The following ZDHHC7 variants were observed in gnomAD, a reference collection of about 807,000 sequenced individuals.
The protein encoded by ZDHHC7 is palmitoyltransferase ZDHHC7.
ZDHHC7 carries 12 observed loss-of-function variants against 34.1 expected under a neutral mutation model. The ratio of observed to expected loss-of-function variants is 0.35; its 90% CI spans 0.23 to 0.57. ZDHHC7 has a LOEUF of 0.57. Among genes scored for constraint, ZDHHC7 ranks in the 20% least tolerant of loss-of-function variants. The pLI is 0.84. For missense variants in ZDHHC7, 388 were observed against 402.7 expected, an observed-to-expected ratio of 0.96 and a Z score of 0.31; for synonymous variants, 185 against 155.4, an observed-to-expected ratio of 1.19 and a Z score of -1.42.
chr16:84,988,721 C>T lies in ZDHHC7; in HGVS notation c.315+1583G>A, dbSNP rs767426621. On this transcript the variant is annotated intron_variant, in intron 3 of 7. Coordinates refer to ENST00000313732, the MANE Select transcript of ZDHHC7 (RefSeq NM_017740.3). ...AGAGGAGCAAACTGCTGAGGACTCC[C>T]AGCCAGGCTGACCCTCCCCCATGTG... 4 of 1,536,452 alleles carry T rather than the reference C, an allele frequency of 2.6e-6. No homozygotes were observed. The Admixed American group carries it at 7.9e-5, about 30-fold the overall frequency.
chr16:85,001,150 C>G (rs2072647344), intron 1 of ZDHHC7, among the ~76,000 whole-genome samples: 1 of 152,222 alleles, frequency 6.6e-6, no homozygotes, highest in East Asian at 1.9e-4. Context: ...TGGGAGGCAC[C>G]AGACCTTAGG....
intron 1 of ZDHHC7, among the ~76,000 whole-genome samples, chr16:84,998,608 G>A (rs570758409): frequency 6.6e-6 from 1 of 152,252 alleles, no homozygotes; most frequent in Non-Finnish European, 1.5e-5. Context: ...GGCCCGCTCT[G>A]TGGAGGTCCC....
chr16:84,979,294 G>T lies in ZDHHC7; in HGVS notation c.441-9C>A. On this transcript the variant is annotated splice_polypyrimidine_tract_variant and intron_variant, in intron 4 of 7. Coordinates refer to ENST00000313732, the MANE Select transcript of ZDHHC7 (RefSeq NM_017740.3). ...TACATCTTTTGCAAATACTGAAAAGGAGAGTTTGATTTTTCAGTATTCCAT... is the reference window on the plus strand; with the variant it reads ...TACATCTTTTGCAAATACTGAAAAGTAGAGTTTGATTTTTCAGTATTCCAT... 6.2e-7 allele frequency: 1 copy of T among 1,607,936 alleles called. No individual in the cohort carries two copies. The highest frequency in any genetic ancestry group is 8.5e-7 in the Non-Finnish European group (1 of 1,178,744).
chr16:85,006,582 A>C (rs543770094), intron 1 of ZDHHC7, among the ~76,000 whole-genome samples: 1 of 150,094 alleles, frequency 6.7e-6, no homozygotes, highest in South Asian at 2.1e-4. Flanking sequence ...TCTGTAATTT[A>C]AAAAAAAAGG....
the ZDHHC7 span, among the ~76,000 whole-genome samples, chr16:85,025,114 C>A: frequency 9.2e-5 from 14 of 152,192 alleles, no homozygotes; most frequent in South Asian, 2.5e-3. Flanking sequence ...CCCATCTCTA[C>A]TAAAAATACA....
intron 3 of ZDHHC7, among the ~76,000 whole-genome samples, chr16:84,989,045 G>A (rs1245524202): frequency 1.3e-5 from 2 of 152,222 alleles, no homozygotes; most frequent in Non-Finnish European, 2.9e-5. Context: ...CTGGCTCCTA[G>A]AGGGAGACCT....
intron 1 of ZDHHC7, chr16:85,004,901 A>T (rs7187827): frequency 0.18 from 27,021 of 151,734 alleles, 2,713 homozygotes; most frequent in Admixed American, 0.29. Context: ...GACGGGGGTG[A>T]AGAGAAAAAC....
chr16:84,984,311 G>A (rs775499965), intron 3 of ZDHHC7, among the ~76,000 whole-genome samples: 6 of 152,134 alleles, frequency 3.9e-5, no homozygotes, highest in East Asian at 1.9e-4. Flanking sequence ...ATGAGCCACC[G>A]TGCCTGGCCT....
At chr16:84,999,797 G>A (rs546720520) in intron 1 of ZDHHC7, among the ~76,000 whole-genome samples, 17 of 152,162 alleles carry the variant, frequency 1.1e-4, no homozygotes, top group Admixed American at 2.6e-4. Flanking sequence ...AGGCATATGC[G>A]TTTGTCAAAA....
At chr16:84,976,988 T>C in intron 7 of ZDHHC7, 107 bp downstream of exon 7, 1 of 1,503,442 alleles carries the variant, frequency 6.7e-7, no homozygotes, top group South Asian at 1.3e-5. Context: ...GACCGTCCCA[T>C]TACGTTCCCG....
At chr16:84,986,314 C>T (rs935266814) in intron 3 of ZDHHC7, among the ~76,000 whole-genome samples, 5 of 152,234 alleles carry the variant, frequency 3.3e-5, no homozygotes, top group East Asian at 1.9e-4. Context: ...AGCCTGGCCT[C>T]TTACTGGCAC....
chr16:85,015,162 C>T (rs978914422), upstream of ZDHHC7, among the ~76,000 whole-genome samples: 25 of 151,324 alleles, frequency 1.7e-4, no homozygotes, highest in Non-Finnish European at 7.4e-5. Context: ...TGCAATGTCG[C>T]AATCTCAGCT....
intron 1 of ZDHHC7, among the ~76,000 whole-genome samples, chr16:85,006,653 T>C (rs13337715): frequency 0.17 from 25,895 of 152,002 alleles, 3,016 homozygotes; most frequent in East Asian, 0.33. Flanking sequence ...GGTGGGAGGA[T>C]CGCTTCAGCC....
chr16:85,005,305 T>C (rs1567506662), intron 1 of ZDHHC7, among the ~76,000 whole-genome samples: 1 of 152,144 alleles, frequency 6.6e-6, no homozygotes, highest in Non-Finnish European at 1.5e-5. Context: ...GAGTTCAAAA[T>C]ACTAAGAAAA....
chr16:85,016,751 C>T, the ZDHHC7 span, among the ~76,000 whole-genome samples: 14 of 152,142 alleles, frequency 9.2e-5, no homozygotes, highest in East Asian at 2.7e-3. Flanking sequence ...TGAGCCACCA[C>T]ACCTGTCTCG....
intron 1 of ZDHHC7, among the ~76,000 whole-genome samples, chr16:85,000,388 C>A (rs1404468318): frequency 6.6e-6 from 1 of 152,132 alleles, no homozygotes. Flanking sequence ...TTAAGCTCTT[C>A]GCCTTTACTT....
intron 7 of ZDHHC7, 99 bp from the exon 8 acceptor site, chr16:84,976,618 C>T (rs558852699): frequency 6.8e-5 from 99 of 1,463,716 alleles, no homozygotes; most frequent in Admixed American, 2.7e-4. Flanking sequence ...AGTGTGGGCT[C>T]GATGGAGGGT....
intron 1 of ZDHHC7, among the ~76,000 whole-genome samples, chr16:84,999,321 G>T (rs760483353): frequency 6.6e-6 from 1 of 152,102 alleles, no homozygotes; most frequent in Non-Finnish European, 1.5e-5. Context: ...CTTTCTCAAA[G>T]TTAAACAAAT....
intron 1 of ZDHHC7, among the ~76,000 whole-genome samples, chr16:85,008,503 C>T (rs1229650356): frequency 1.0e-5 from 1 of 95,714 alleles, no homozygotes. Flanking sequence ...ACCACCTACA[C>T]CCCCCCCCAA....
Sources: gnomAD v4.1 joint callset for allele counts (sites outside exome capture counted in the v4.1 genomes callset) on GRCh38, gnomAD v4.1.1 for gene constraint, MANE v1.5 for transcripts, NCBI Gene and HGNC (gene_info 2026-07-23, HGNC 2026-07-21) for gene names.